The following RTN2 variants were observed in gnomAD, a reference collection of about 807,000 sequenced individuals.
RTN2 encodes reticulon 2.
Under a neutral mutation model 63.7 loss-of-function variants are expected in RTN2, and 36 were observed. That is an observed-to-expected ratio of 0.56 (90% CI 0.43 to 0.75). The LOEUF (loss-of-function observed/expected upper bound fraction) is 0.75. Ranked by LOEUF, RTN2 falls within the 30% of genes least tolerant of loss-of-function variation. The pLI, the probability that RTN2 is intolerant of heterozygous loss-of-function variation, is 0.00. For synonymous variants in RTN2, 312 were observed against 313.0 expected (o/e 1.00, Z 0.03); for missense variants, 673 against 705.1 (o/e 0.95, Z 0.52).
intron 5 of RTN2, among the ~76,000 whole-genome samples, chr19:45,492,795 G>T (rs763216347): frequency 4.6e-5 from 7 of 152,190 alleles, no homozygotes; most frequent in Non-Finnish European, 8.8e-5. Flanking sequence ...AGTGGCCGGC[G>T]CCGGTGGATG....
At chr19:45,495,208 C>T in intron 1 of RTN2, 69 bp from the exon 2 acceptor site, 2 of 1,563,196 alleles carry the variant, frequency 1.3e-6, no homozygotes, top group Non-Finnish European at 8.8e-7. Flanking sequence ...TGTCCCAGTC[C>T]TGGAATCTTA....
chr19:45,488,677 G>A lies in RTN2; in HGVS notation c.1410C>T (p.Phe470=), dbSNP rs771928108. ...TCAAACCATTGAAGATGGCACCCAC[G>A]AAGGTCAAGATGTAGAAGAGGAGGG... ...KLALLFYILT[F]VGAIFNGLTL... Residue 470 remains phenylalanine, a synonymous_variant, in exon 8 of 11, where the codon TTC becomes TTT. Transcript: ENST00000245923. 6.2e-6 allele frequency: 10 copies of A among 1,613,828 alleles called. No individual in the cohort carries two copies. In the Admixed American group the frequency reaches 1.3e-4, roughly 22 times the overall value.
intron 1 of RTN2, 96 bp downstream of exon 1, chr19:45,496,696 C>G: frequency 1.2e-6 from 1 of 818,140 alleles, no homozygotes. Flanking sequence ...CTCCCCCCAT[C>G]CCGGCTCTCC....
chr19:45,494,126 T>G lies in RTN2; in HGVS notation c.814+40A>C. 6.3e-7 allele frequency: 1 copy of G among 1,590,948 alleles called. No homozygotes were observed. Among genetic ancestry groups the G allele is most frequent in the East Asian group, 2.2e-5 (1 of 44,750 alleles). ...ATTCAAAATCCTCTCACCTTTTGCC[T>G]TCTGTGGGCCAATGCAGCATCTTCA... On this transcript the variant is annotated intron_variant, in intron 4 of 10. Coordinates refer to ENST00000245923, the MANE Select transcript of RTN2 (RefSeq NM_005619.5). This position sits in a 1 kb window ranked among gnomAD's most constrained non-coding sequence, Gnocchi z 5.3.
intron 1 of RTN2, among the ~76,000 whole-genome samples, chr19:45,496,369 TTGGA>T (rs1285815821): frequency 6.6e-6 from 1 of 152,224 alleles, no homozygotes; most frequent in Non-Finnish European, 1.5e-5. Flanking sequence ...GGGCTGCCTC[TTGGA>T]CAGAAAACGG....
At chr19:45,492,604 C>T (rs1313114374) in intron 5 of RTN2, among the ~76,000 whole-genome samples, 2 of 152,166 alleles carry the variant, frequency 1.3e-5, no homozygotes, top group African/African-American at 2.4e-5. Context: ...AACTCAGTAC[C>T]TTTCTATTTC....
In RTN2 at chr19:45,494,878, A is replaced by G. The variant is rs1968239897; in HGVS notation, c.207T>C (p.Phe69=). ...PRELTFSYIA[F]DGVVGSGGRR... is the part of the protein sequence containing the mutation. ...GGCCCCCGGAGCCCACTACACCATC[A>G]AAGGCGATGTAGGAGAAGGTCAGCT... The change falls in exon 3 of 11, where the codon TTT becomes TTC. Residue 69 remains phenylalanine, a synonymous_variant. Transcript: ENST00000245923. This position sits in a 1 kb window ranked among gnomAD's most constrained non-coding sequence, Gnocchi z 5.3. The G allele has an allele frequency of 6.2e-7, 1 of 1,609,398 alleles. No individual in the cohort carries two copies. The highest frequency in any genetic ancestry group is 1.3e-5 in the African/African-American group (1 of 74,918).
At chr19:45,487,587 T>G (rs1305105534) in intron 9 of RTN2, among the ~76,000 whole-genome samples, 5 of 142,440 alleles carry the variant, frequency 3.5e-5, no homozygotes, top group South Asian at 2.3e-4. Flanking sequence ...TTTTTGGTTT[T>G]TTTTTTTTTT....
Position 45,494,852 on chromosome 19 carries a change from C to G in RTN2, c.233G>C (p.Arg78Pro). Residue 78 changes from arginine (R) to proline (P), a missense_variant, in exon 3 of 11, where the codon CGC becomes CCC. Physicochemically the swap from Arg to Pro is moderately radical, Grantham distance 103 (BLOSUM62 -2). Coordinates refer to ENST00000245923, the MANE Select transcript of RTN2 (RefSeq NM_005619.5). The surrounding 1 kb of genome is among the most constrained non-coding windows in gnomAD (Gnocchi z 5.3). ...AFDGVVGSGG[R>P]RDSTARRPRP... ...GGGGCGGCGGGCAGTTGAATCCCTG[C>G]GGCCCCCGGAGCCCACTACACCATC... 6.2e-7 allele frequency: 1 copy of G among 1,604,844 alleles called. No homozygotes were observed. Among genetic ancestry groups the G allele is most frequent in the Non-Finnish European group, 8.5e-7 (1 of 1,179,818 alleles).
chr19:45,496,957 G>T lies in RTN2; in HGVS notation c.-132C>A. On this transcript the variant is annotated 5_prime_UTR_variant, in exon 1 of 11. Coordinates refer to ENST00000245923, the MANE Select transcript of RTN2 (RefSeq NM_005619.5). ...TCTCGCCGCCTCCTCCTCCCGGGCT[G>T]CTCCAGCCGCCGCCGCCGCCGCCGC... 1 of 461,998 alleles carries T rather than the reference G, an allele frequency of 2.2e-6. No individual in the cohort carries two copies. The highest frequency in any genetic ancestry group is 3.3e-6 in the Non-Finnish European group (1 of 300,502). The allele number at this position is 461,998 out of a possible 1,614,324, so 28.6% of individuals were successfully genotyped here.
intron 2 of RTN2, 28 bp downstream of exon 2, chr19:45,495,067 G>A (rs907719764): frequency 4.3e-6 from 7 of 1,614,170 alleles, no homozygotes; most frequent in Admixed American, 3.3e-5. Context: ...CCAGCCCTGA[G>A]CCCCTTCACA....
At chr19:45,487,454 A>G (rs1968048634) in intron 9 of RTN2, among the ~76,000 whole-genome samples, 1 of 152,032 alleles carries the variant, frequency 6.6e-6, no homozygotes, top group African/African-American at 2.4e-5. Flanking sequence ...TGTGCTGGAG[A>G]AGGGGCTGTC....
Position 45,494,624 on chromosome 19 carries a change from G to A in RTN2, c.461C>T (p.Thr154Met), listed in dbSNP as rs761153006. ...LDHLGWVARG[T>M]GSGEDSSTSS... ...GGTGGAAGAGTCCTCCCCGGATCCC[G>A]TTCCCCGGGCCACCCAGCCCAGATG... Residue 154 changes from threonine (T) to methionine (M), a missense_variant, in exon 3 of 11, where the codon ACG becomes ATG. Thr to Met is a moderately conservative substitution (Grantham distance 81). Transcript: ENST00000245923. The surrounding 1 kb of genome is among the most constrained non-coding windows in gnomAD (Gnocchi z 5.3). The A allele has an allele frequency of 6.4e-5, 104 of 1,613,768 alleles. No individual in the cohort carries two copies. The highest frequency in any genetic ancestry group is 8.2e-5 in the Non-Finnish European group (97 of 1,180,020).
chr19:45,493,907 C>G (rs1035983437), intron 4 of RTN2: 2 of 468,082 alleles, frequency 4.3e-6, no homozygotes, highest in African/African-American at 2.0e-5. Flanking sequence ...CCAGGCTGAT[C>G]TCGAACTCCT....
intron 5 of RTN2, among the ~76,000 whole-genome samples, chr19:45,492,511 A>G (rs1458853955): frequency 6.6e-6 from 1 of 152,138 alleles, no homozygotes; most frequent in East Asian, 1.9e-4. Context: ...GCACTCCAGA[A>G]AGGGCGACAG....
At chr19:45,489,593 TG>T in intron 5 of RTN2, 40 bp from the exon 6 acceptor site, 1 of 1,454,420 alleles carries the variant, frequency 6.9e-7, no homozygotes, top group Non-Finnish European at 9.4e-7. Flanking sequence ...GTACCTGACC[TG>T]GCTGGTCTCC....
rs148900626 is a variant in RTN2, at chr19:45,496,350, G to C, written c.34+442C>G. Among the ~76,000 whole-genome samples, 670 of 152,360 alleles carry C rather than the reference G, an allele frequency of 4.4e-3. 5 individuals carry two copies. Among genetic ancestry groups the C allele is most frequent in the African/African-American group, 0.016 (649 of 41,592 alleles). ...CCCGGGACAGGGTTGGACAGTTTGGGCGAGGTCGGGGCTGCCTCTTGGACA... is the reference window on the plus strand; with the variant it reads ...CCCGGGACAGGGTTGGACAGTTTGGCCGAGGTCGGGGCTGCCTCTTGGACA... On this transcript the variant is annotated intron_variant, in intron 1 of 10. Coordinates refer to ENST00000245923, the MANE Select transcript of RTN2 (RefSeq NM_005619.5).
chr19:45,492,241 G>A (rs1028059092), intron 5 of RTN2, among the ~76,000 whole-genome samples: 16 of 152,186 alleles, frequency 1.1e-4, no homozygotes, highest in African/African-American at 3.6e-4. Context: ...GCCCTGACCA[G>A]TGACCTTTGT....
Position 45,487,473 on chromosome 19 carries a change from C to T in RTN2, c.1497+998G>A, listed in dbSNP as rs547454904. On this transcript the variant is annotated intron_variant, in intron 9 of 10. Transcript: ENST00000245923. ...CTGGAGAAGGGGCTGTCAGTCCATC[C>T]GCCTGTCTCTGGATAGGATGGATGT... Among the ~76,000 whole-genome samples, 12 of 152,028 alleles carry T rather than the reference C, an allele frequency of 7.9e-5. No homozygotes were observed. The Middle Eastern group carries it at 0.017, about 215-fold the overall frequency.
Sources: allele counts gnomAD v4.1 joint callset (sites outside exome capture counted in the v4.1 genomes callset), GRCh38; gene constraint gnomAD v4.1.1; non-coding constraint Gnocchi (gnomAD v3.1); transcripts MANE v1.5; gene names NCBI Gene and HGNC (gene_info 2026-07-23, HGNC 2026-07-21).